Variants in NCAM2 observed in about 807,000 individuals in gnomAD.
The protein encoded by NCAM2 is neural cell adhesion molecule 2.
NCAM2 carries 30 observed loss-of-function variants against 98.1 expected under a neutral mutation model. The ratio of observed to expected loss-of-function variants is 0.31; its 90% CI spans 0.23 to 0.41. NCAM2 has a LOEUF of 0.41. Ranked by LOEUF, NCAM2 falls within the 10% of genes least tolerant of loss-of-function variation. NCAM2 has a pLI of 1.00. For synonymous variants in NCAM2, 368 were observed against 342.4 expected, an observed-to-expected ratio of 1.07 and a Z score of -0.83; for missense variants, 867 against 1,005.8, an observed-to-expected ratio of 0.86 and a Z score of 1.87.
At chr21:21,379,774 A>C (rs1264773629) in intron 9 of NCAM2, among the ~76,000 whole-genome samples, 4 of 151,934 alleles carry the variant, frequency 2.6e-5, no homozygotes, top group African/African-American at 9.7e-5. Context: ...TGGTATTTGC[A>C]CTCATCAGGA....
At chr21:21,169,584 A>G (rs1445699417) in intron 1 of NCAM2, among the ~76,000 whole-genome samples, 2 of 152,160 alleles carry the variant, frequency 1.3e-5, no homozygotes, top group Middle Eastern at 3.2e-3. Flanking sequence ...TAACTCTTAA[A>G]ATTCAACAAT....
intron 1 of NCAM2, among the ~76,000 whole-genome samples, chr21:21,010,657 G>A (rs2064192553): frequency 6.6e-6 from 1 of 152,042 alleles, no homozygotes; most frequent in African/African-American, 2.4e-5. Flanking sequence ...AGGACTTTGT[G>A]ATTAGTCAAG....
At chr21:21,499,555 T>G (rs893029166) in intron 15 of NCAM2, among the ~76,000 whole-genome samples, 1 of 152,112 alleles carries the variant, frequency 6.6e-6, no homozygotes, top group Non-Finnish European at 1.5e-5. Context: ...ACAATAAATT[T>G]TAAAACAAAA....
intron 12 of NCAM2, among the ~76,000 whole-genome samples, chr21:21,447,328 G>A (rs1980327393): frequency 1.3e-5 from 2 of 152,068 alleles, no homozygotes; most frequent in African/African-American, 2.4e-5. Context: ...AAATGGTGCT[G>A]GGAAAACTGG....
At chr21:21,277,508 A>G (rs928177940) in intron 1 of NCAM2, among the ~76,000 whole-genome samples, 3 of 152,118 alleles carry the variant, frequency 2.0e-5, no homozygotes, top group Admixed American at 2.0e-4. Context: ...GGTTGTATAG[A>G]AAAAGGAGAT....
intron 6 of NCAM2, among the ~76,000 whole-genome samples, chr21:21,325,990 G>C (rs2074501099): frequency 6.6e-6 from 1 of 152,136 alleles, no homozygotes; most frequent in Non-Finnish European, 1.5e-5. Flanking sequence ...AATAAGCCTT[G>C]TTTTGAAATA....
At chr21:21,076,740 T>TA (rs1048874854) in intron 1 of NCAM2, among the ~76,000 whole-genome samples, 1 of 151,950 alleles carries the variant, frequency 6.6e-6, no homozygotes, top group Non-Finnish European at 1.5e-5. Flanking sequence ...ATCGGCTTTT[T>TA]AAAAAAAATG....
chr21:21,425,040 C>CAAAAAAAAAAAAAAAA (rs1192128472), intron 11 of NCAM2, among the ~76,000 whole-genome samples: 7 of 43,850 alleles, frequency 1.6e-4, no homozygotes, highest in East Asian at 5.6e-4. Context: ...CTTCCTCCTC[C>CAAAAAAAAAAAAAAAA]AAAAAAAAAA....
rs528738756 is a variant in NCAM2, at chr21:21,195,742, C to T, written c.56-84836C>T. On this transcript the variant is annotated intron_variant, in intron 1 of 17. Transcript: ENST00000400546. ...TGAACATGTATTTTGACAGCATGTG[C>T]GATACTCCAGACATGATTGCTGTAG... is the stretch of plus-strand genomic sequence containing the variant. Among the ~76,000 whole-genome samples, 12 of 152,190 alleles carry T rather than the reference C, an allele frequency of 7.9e-5. No individual in the cohort carries two copies. The South Asian group carries it at 1.0e-3, about 13-fold the overall frequency.
intron 1 of NCAM2, among the ~76,000 whole-genome samples, chr21:21,112,420 G>A (rs532344695): frequency 3.3e-4 from 50 of 152,064 alleles, no homozygotes; most frequent in African/African-American, 1.1e-3. Flanking sequence ...ATTTTTTCCC[G>A]CTTGCTTGCC....
chr21:21,035,036 T>C (rs6518041), intron 1 of NCAM2, among the ~76,000 whole-genome samples: 145,839 of 152,204 alleles, frequency 0.96, 70,189 homozygotes, highest in East Asian at 1. Flanking sequence ...ATTCCTCTCT[T>C]CTCAAGGTCT....
At chr21:21,193,487 T>C (rs1457480602) in intron 1 of NCAM2, among the ~76,000 whole-genome samples, 1 of 150,518 alleles carries the variant, frequency 6.6e-6, no homozygotes, top group African/African-American at 2.4e-5. Flanking sequence ...GGAGTAGTAC[T>C]TTTCCTTTTT....
chr21:21,119,031 TTGTC>T (rs1237436372), intron 1 of NCAM2, among the ~76,000 whole-genome samples: 3 of 152,328 alleles, frequency 2.0e-5, no homozygotes, highest in South Asian at 2.1e-4. Context: ...TCTTTGTTGT[TTGTC>T]TGTTTTACGT....
In NCAM2 at chr21:21,285,472, C is replaced by T. The variant is rs1204859942; in HGVS notation, c.338-797C>T. On this transcript the variant is annotated intron_variant, in intron 3 of 17. Coordinates refer to ENST00000400546, the MANE Select transcript of NCAM2 (RefSeq NM_004540.5). The stretch of plus-strand genomic sequence containing the variant: ...AATGATATTTTCCTAATTTATGTAA[C>T]CCCCTAGAGTATCTATTTCACAATA... Among the ~76,000 whole-genome samples the T allele has an allele frequency of 4.0e-5, 6 of 151,800 alleles. No homozygotes were observed. In the Admixed American group the frequency reaches 4.0e-4, roughly 10 times the overall value.
intron 1 of NCAM2, among the ~76,000 whole-genome samples, chr21:21,156,327 C>T (rs1240636214): frequency 6.6e-6 from 1 of 151,978 alleles, no homozygotes; most frequent in Admixed American, 6.6e-5. Context: ...CACATTCAAA[C>T]ACTGTTGATG....
At position 21,512,600 on chromosome 21, in the gene NCAM2, G is replaced by A. The variant is rs181880071; in HGVS notation, c.2282+3545G>A. Among the ~76,000 whole-genome samples, 155 of 151,804 alleles carry A rather than the reference G, an allele frequency of 1.0e-3. 1 individual carries two copies. The highest frequency in any genetic ancestry group is 1.3e-3 in the Non-Finnish European group (87 of 67,848). Reference sequence around the variant, plus strand: ...TTTTGTGTTTCCATATACATTTTACGATCTTTTTTTCTATTTCTGTGAAGA... The same window carrying A: ...TTTTGTGTTTCCATATACATTTTACAATCTTTTTTTCTATTTCTGTGAAGA... On this transcript the variant is annotated intron_variant, in intron 16 of 17. Transcript: ENST00000400546.
At chr21:21,279,576 C>T (rs950260275) in intron 1 of NCAM2, among the ~76,000 whole-genome samples, 2 of 152,154 alleles carry the variant, frequency 1.3e-5, no homozygotes, top group Non-Finnish European at 2.9e-5. Flanking sequence ...CCAGGCTGGT[C>T]TCAAACTCCT....
intron 1 of NCAM2, among the ~76,000 whole-genome samples, chr21:21,268,464 A>G (rs2072368681): frequency 6.6e-6 from 1 of 152,164 alleles, no homozygotes; most frequent in Non-Finnish European, 1.5e-5. Flanking sequence ...TTGATGCAGG[A>G]TCACTGTCTT....
chr21:21,282,062 CAGAG>C (rs1014691979), intron 2 of NCAM2, among the ~76,000 whole-genome samples: 1 of 151,748 alleles, frequency 6.6e-6, no homozygotes, highest in East Asian at 1.9e-4. Context: ...ATGAAAAAAT[CAGAG>C]AGTGTGGAAG....
Sources: allele counts gnomAD v4.1 joint callset (sites outside exome capture counted in the v4.1 genomes callset), GRCh38; gene constraint gnomAD v4.1.1; transcripts MANE v1.5; gene names NCBI Gene and HGNC (gene_info 2026-07-23, HGNC 2026-07-21).